Variants in RTL4 observed in about 807,000 individuals in gnomAD.
RTL4 encodes the protein retrotransposon Gag-like protein 4.
In RTL4, 4 loss-of-function variants were observed where a neutral mutation model predicts 5.3. That is an observed-to-expected ratio of 0.75 (90% CI 0.37 to 1.72). The LOEUF (loss-of-function observed/expected upper bound fraction) is 1.72, where lower values mean the gene tolerates loss of function less well. RTL4 is among the 40% of genes most tolerant of loss of function. The probability of loss-of-function intolerance (pLI) is 0.04; values close to 1 mark genes in which losing one functional copy is unlikely to be tolerated. For synonymous variants in RTL4, 98 were observed against 87.3 expected (o/e 1.12, Z -0.68); for missense variants, 260 against 227.1 (o/e 1.14, Z -0.93).
At chrX:112,236,029 C>A in the RTL4 span, among the ~76,000 whole-genome samples, 2 of 110,582 alleles carry the variant, frequency 1.8e-5, no homozygotes, top group African/African-American at 6.6e-5. Context: ...GCTTTGGAGG[C>A]GGAGTAGGAA....
the RTL4 span, among the ~76,000 whole-genome samples, chrX:112,364,463 G>C: frequency 1.8e-5 from 2 of 111,964 alleles, no homozygotes; most frequent in Admixed American, 9.5e-5. Flanking sequence ...TGTTGGATTA[G>C]GCCTCAGAAT....
chrX:112,305,128 G>A, the RTL4 span, among the ~76,000 whole-genome samples: 129 of 108,579 alleles, frequency 1.2e-3, no homozygotes, highest in Non-Finnish European at 2.0e-3. Flanking sequence ...GCTCATGGAG[G>A]GGATGGGGAG....
At chrX:112,184,349 A>G in the RTL4 span, among the ~76,000 whole-genome samples, 3 of 111,939 alleles carry the variant, frequency 2.7e-5, no homozygotes, top group Non-Finnish European at 5.6e-5. Flanking sequence ...CTTAAAGTAT[A>G]ATAAAAAAAA....
chrX:112,360,730 GTTAGT>G, the RTL4 span, among the ~76,000 whole-genome samples: 1 of 110,544 alleles, frequency 9.0e-6, no homozygotes, highest in African/African-American at 3.3e-5. Flanking sequence ...ATTTTGGCAA[GTTAGT>G]TTATCATTAC....
At chrX:112,381,966 C>T in the RTL4 span, 1 of 1,208,382 alleles carries the variant, frequency 8.3e-7, no homozygotes, top group Non-Finnish European at 1.1e-6. Context: ...TTTGAATACT[C>T]CTCTGGCATC....
At chrX:112,198,433 G>A in the RTL4 span, among the ~76,000 whole-genome samples, 2 of 111,466 alleles carry the variant, frequency 1.8e-5, no homozygotes, top group African/African-American at 3.3e-5. Context: ...TAAATGGCTC[G>A]AAGTTGGGAG....
At chrX:112,258,375 G>A in the RTL4 span, among the ~76,000 whole-genome samples, 4 of 110,823 alleles carry the variant, frequency 3.6e-5, no homozygotes, top group Admixed American at 9.7e-5. Flanking sequence ...AGGGGAACAC[G>A]TGCATGTCTG....
At chrX:112,119,943 G>T in the RTL4 span, among the ~76,000 whole-genome samples, 1 of 112,109 alleles carries the variant, frequency 8.9e-6, no homozygotes, top group Non-Finnish European at 1.9e-5. Context: ...GCAAGCCTCT[G>T]GGGTGGCTTT....
chrX:112,455,911 C>G, exon 1 of RTL4: 3 of 364,530 alleles, frequency 8.2e-6, no homozygotes, highest in Non-Finnish European at 1.4e-5. Context: ...TCTCCAAGAG[C>G]ACCAAAAACC....
chrX:112,151,453 A>G, the RTL4 span, among the ~76,000 whole-genome samples: 1 of 111,810 alleles, frequency 8.9e-6, no homozygotes, highest in Non-Finnish European at 1.9e-5. Flanking sequence ...TGCACTAACC[A>G]TTCAGTTTAT....
the RTL4 span, among the ~76,000 whole-genome samples, chrX:112,099,613 A>G: frequency 2.3e-3 from 255 of 111,568 alleles, 1 homozygote; most frequent in Non-Finnish European, 3.5e-3. Flanking sequence ...GGTAGGATAT[A>G]GAGTAGGAGA....
the RTL4 span, among the ~76,000 whole-genome samples, chrX:112,317,451 G>A: frequency 1.4e-4 from 16 of 111,967 alleles, no homozygotes; most frequent in Non-Finnish European, 2.6e-4. Flanking sequence ...TGAACGACTA[G>A]TGCAGAATAA....
chrX:112,427,253 G>A, the RTL4 span, among the ~76,000 whole-genome samples: 1 of 110,981 alleles, frequency 9.0e-6, no homozygotes, highest in African/African-American at 3.3e-5. Context: ...GACCAACTGG[G>A]ATGTATGCCA....
At chrX:112,252,235 A>G in the RTL4 span, among the ~76,000 whole-genome samples, 2 of 112,303 alleles carry the variant, frequency 1.8e-5, no homozygotes, top group Non-Finnish European at 3.8e-5. Context: ...AATAAAAGTA[A>G]GCGATTGAAA....
chrX:112,169,068 CTTTTTTCTTTCTTTCTTTTCTTTCT>C, the RTL4 span, among the ~76,000 whole-genome samples: 1 of 45,997 alleles, frequency 2.2e-5, no homozygotes, highest in South Asian at 1.4e-3. Flanking sequence ...TTCTTTCTTT[CTTTTTTCTTTCTTTCTTTTCTTTCT>C]TTCTTTCTTT....
the RTL4 span, among the ~76,000 whole-genome samples, chrX:112,276,994 G>A: frequency 1.8e-5 from 2 of 111,878 alleles, no homozygotes; most frequent in Admixed American, 9.5e-5. Flanking sequence ...TTTGAGCACC[G>A]AATGTTTCTT....
the RTL4 span, among the ~76,000 whole-genome samples, chrX:112,343,104 C>T: frequency 2.7e-5 from 3 of 111,151 alleles, no homozygotes; most frequent in Non-Finnish European, 5.7e-5. Flanking sequence ...AGTGAGATTC[C>T]GTCTCAAAAA....
the RTL4 span, among the ~76,000 whole-genome samples, chrX:112,420,427 T>G: frequency 2.7e-5 from 3 of 110,854 alleles, no homozygotes; most frequent in Admixed American, 2.9e-4. Flanking sequence ...GGAAATAAGG[T>G]GAGAATATTC....
chrX:112,215,568 T>A, the RTL4 span, among the ~76,000 whole-genome samples: 1 of 112,431 alleles, frequency 8.9e-6, no homozygotes, highest in Non-Finnish European at 1.9e-5. Flanking sequence ...TTAGTTTGTC[T>A]TATTTCATTC....
Sources: allele counts gnomAD v4.1 joint callset (sites outside exome capture counted in the v4.1 genomes callset), GRCh38; gene constraint gnomAD v4.1.1; transcripts MANE v1.5; gene names NCBI Gene and HGNC (gene_info 2026-07-23, HGNC 2026-07-21).